The following KLRG2 variants were observed in gnomAD, a reference collection of about 807,000 sequenced individuals.
KLRG2 encodes killer cell lectin-like receptor subfamily G member 2.
In KLRG2, 39 loss-of-function variants were observed where a neutral mutation model predicts 35.4. The ratio of observed to expected loss-of-function variants is 1.10; its 90% CI spans 0.85 to 1.44. The LOEUF is 1.44. Ranked by LOEUF, KLRG2 falls within the 40% of genes most tolerant of loss-of-function variation. KLRG2 has a pLI of 0.00. For missense variants in KLRG2, 632 were observed against 570.9 expected (o/e 1.11, Z -1.09); for synonymous variants, 283 against 265.8 (o/e 1.06, Z -0.63).
chr7:139,479,609 T>C lies in KLRG2; in HGVS notation c.1005+18A>G. On this transcript the variant is annotated intron_variant, in intron 3 of 4. Coordinates refer to ENST00000340940, the MANE Select transcript of KLRG2 (RefSeq NM_198508.4). ...TAGAAAGATCTGTACCCCCTTAGAT[T>C]GGACACCCCCTTCTCACCTGGGTGT... 6.2e-7 allele frequency: 1 copy of C among 1,608,600 alleles called. No individual in the cohort carries two copies. The highest frequency in any genetic ancestry group is 8.5e-7 in the Non-Finnish European group (1 of 1,179,046).
In KLRG2 at chr7:139,483,207, G is replaced by A; in HGVS notation, c.436C>T (p.Pro146Ser). The stretch of plus-strand genomic sequence containing the variant: ...GGCACCTTGAGGAAGCGCGTGGAGG[G>A]CCTGGGCGATGGCGTGCTGCTGCCA... The part of the protein sequence containing the change: ...AGGSSTPSPR[P>S]STRFLKVPVP... Residue 146 changes from proline to serine, a missense_variant, in exon 1 of 5, where the codon CCC becomes TCC. By Grantham distance (74) the Pro-to-Ser change is moderately conservative. Transcript: ENST00000340940. The A allele has an allele frequency of 6.6e-7, 1 of 1,526,444 alleles. No homozygotes were observed. The allele number at this position is 1,526,444 out of a possible 1,614,324, so 94.6% of individuals were successfully genotyped here. A position where few individuals can be genotyped will look rare whatever the true frequency, so the allele number is the denominator to read the frequency against.
intron 3 of KLRG2, among the ~76,000 whole-genome samples, 153 bp downstream of exon 3, chr7:139,479,474 G>C (rs1242392516): frequency 6.6e-6 from 1 of 152,234 alleles, no homozygotes; most frequent in East Asian, 1.9e-4. Context: ...ACAGGAGTTA[G>C]AGGCTGCACG....
the KLRG2 span, among the ~76,000 whole-genome samples, chr7:139,443,947 G>A: frequency 1.3e-5 from 2 of 152,186 alleles, no homozygotes; most frequent in East Asian, 3.9e-4. Flanking sequence ...TAGGGAAGCC[G>A]ACAGTACAGC....
chr7:139,483,080 A>C lies in KLRG2; in HGVS notation c.563T>G (p.Leu188Arg). 7.0e-7 allele frequency: 1 copy of C among 1,420,318 alleles called. No individual in the cohort carries two copies. The allele number at this position is 1,420,318 out of a possible 1,614,324, so 88.0% of individuals were successfully genotyped here. The stretch of plus-strand genomic sequence containing the variant: ...GCCGCTCTCCGTCCGGGCTGCAGCC[A>C]GCGGCGAGCGGCGGCCCCACGTGCC... ...QGGTWGRRSP[L>R]AAARTESGCD... is the part of the protein sequence containing the mutation. The change falls in exon 1 of 5, where the codon CTG becomes CGG. Residue 188 changes from leucine (L) to arginine (R), a missense_variant. Transcript: ENST00000340940.
At chr7:139,444,836 G>A in the KLRG2 span, among the ~76,000 whole-genome samples, 1 of 152,192 alleles carries the variant, frequency 6.6e-6, no homozygotes, top group Non-Finnish European at 1.5e-5. Context: ...AGATTAAATA[G>A]TGAAATATTT....
chr7:139,468,762 CTG>C (rs1420082396), intron 3 of KLRG2, among the ~76,000 whole-genome samples: 2 of 152,202 alleles, frequency 1.3e-5, no homozygotes, highest in Admixed American at 6.5e-5. Context: ...GGGATGAATT[CTG>C]TCACCCTAAA....
chr7:139,466,115 C>G (rs1796649328), intron 3 of KLRG2, among the ~76,000 whole-genome samples: 1 of 152,196 alleles, frequency 6.6e-6, no homozygotes, highest in African/African-American at 2.4e-5. Flanking sequence ...CTGCTATCTA[C>G]TACTCCTCAG....
chr7:139,439,396 G>C, the KLRG2 span, among the ~76,000 whole-genome samples: 17 of 152,188 alleles, frequency 1.1e-4, no homozygotes, highest in African/African-American at 4.1e-4. Flanking sequence ...GGAGCTTTCT[G>C]GGGGGCTGTC....
intron 3 of KLRG2, among the ~76,000 whole-genome samples, chr7:139,455,542 C>T (rs1460696713): frequency 1.3e-5 from 2 of 151,482 alleles, no homozygotes; most frequent in Admixed American, 6.6e-5. Flanking sequence ...AAGATGGTCT[C>T]GATCTCCTGA....
downstream of KLRG2, among the ~76,000 whole-genome samples, chr7:139,451,518 TG>T (rs1003863739): frequency 1.3e-5 from 2 of 151,906 alleles, no homozygotes; most frequent in African/African-American, 4.8e-5. Flanking sequence ...TTTTTTTTTT[TG>T]TTATAAAGCA....
intron 4 of KLRG2, 43 bp downstream of exon 4, chr7:139,454,068 A>G: frequency 8.6e-7 from 1 of 1,158,062 alleles, no homozygotes; most frequent in Non-Finnish European, 1.3e-6. Flanking sequence ...GAAATGGAGG[A>G]TCCAGAACAG....
chr7:139,443,153 G>C, the KLRG2 span, among the ~76,000 whole-genome samples: 1 of 139,640 alleles, frequency 7.2e-6, no homozygotes, highest in Admixed American at 7.5e-5. Flanking sequence ...GGAGTCTAGT[G>C]GTGTGATCTT....
intron 3 of KLRG2, among the ~76,000 whole-genome samples, chr7:139,479,324 G>A (rs560239420): frequency 3.3e-5 from 5 of 152,232 alleles, no homozygotes; most frequent in East Asian, 1.9e-4. Context: ...CTTGTGATCC[G>A]CCTGCCTTGG....
downstream of KLRG2, among the ~76,000 whole-genome samples, chr7:139,451,597 C>T (rs1569408210): frequency 6.6e-6 from 1 of 152,124 alleles, no homozygotes; most frequent in Non-Finnish European, 1.5e-5. Context: ...TCCCTCACTC[C>T]ACCTGATGGC....
chr7:139,461,273 G>C (rs1796562669), intron 3 of KLRG2, among the ~76,000 whole-genome samples: 1 of 152,086 alleles, frequency 6.6e-6, no homozygotes, highest in Non-Finnish European at 1.5e-5. Flanking sequence ...AGAGAAATGT[G>C]GGGGACACAC....
chr7:139,475,557 G>GCCC (rs1167895548), intron 3 of KLRG2, among the ~76,000 whole-genome samples: 2 of 149,946 alleles, frequency 1.3e-5, no homozygotes, highest in Non-Finnish European at 3.0e-5. Flanking sequence ...ACTCGTCCCC[G>GCCC]TGCTGGGGGG....
At chr7:139,468,902 T>C (rs1202569220) in intron 3 of KLRG2, among the ~76,000 whole-genome samples, 2 of 152,112 alleles carry the variant, frequency 1.3e-5, no homozygotes, top group Non-Finnish European at 2.9e-5. Flanking sequence ...CCAATGTGAC[T>C]GGGGTTGTTA....
At chr7:139,461,109 G>C (rs1394711912) in intron 3 of KLRG2, among the ~76,000 whole-genome samples, 1 of 152,084 alleles carries the variant, frequency 6.6e-6, no homozygotes, top group Non-Finnish European at 1.5e-5. Flanking sequence ...AATTATCCAG[G>C]CATGGTGATG....
chr7:139,454,457 C>T (rs537696753), intron 3 of KLRG2, among the ~76,000 whole-genome samples: 13 of 152,206 alleles, frequency 8.5e-5, no homozygotes, highest in Non-Finnish European at 1.5e-4. Flanking sequence ...GGGATGTGAA[C>T]GCCAAACACC....
Sources: gnomAD v4.1 joint callset for allele counts (sites outside exome capture counted in the v4.1 genomes callset) on GRCh38, gnomAD v4.1.1 for gene constraint, MANE v1.5 for transcripts, NCBI Gene and HGNC (gene_info 2026-07-23, HGNC 2026-07-21) for gene names.